GLI3: variants seen among roughly 807,000 people sequenced by gnomAD.
The protein encoded by GLI3 is transcription activator GLI3.
In GLI3, 20 loss-of-function variants were observed where a neutral mutation model predicts 100.8. The ratio of observed to expected loss-of-function variants is 0.20; its 90% CI spans 0.14 to 0.29. The LOEUF (loss-of-function observed/expected upper bound fraction) is 0.29. Ranked by LOEUF, GLI3 falls within the 10% of genes least tolerant of loss-of-function variation. The pLI is 1.00. For synonymous variants in GLI3, 938 were observed against 860.5 expected (o/e 1.09, Z -1.58); for missense variants, 2,040 against 2,128.5 (o/e 0.96, Z 0.82).
At chr7:42,076,206 T>C (rs925053904) in intron 4 of GLI3, among the ~76,000 whole-genome samples, 3 of 152,228 alleles carry the variant, frequency 2.0e-5, no homozygotes, top group Non-Finnish European at 4.4e-5. Flanking sequence ...TTCTAATGTA[T>C]GTTATCACTA....
At chr7:42,039,977 G>C in intron 7 of GLI3, 61 bp downstream of exon 7, 1 of 1,249,380 alleles carries the variant, frequency 8.0e-7, no homozygotes, top group Non-Finnish European at 1.2e-6. Context: ...ATCACTACAG[G>C]TGCAAACAAG....
chr7:42,124,222 A>G lies in GLI3; in HGVS notation c.367+24004T>C, dbSNP rs372219411. ...TTGCAGAAGTTTAGAAGCCAAACACATGCTTATCTGTAGAATGTCAGGTGG... is the reference window on the plus strand; with the variant it reads ...TTGCAGAAGTTTAGAAGCCAAACACGTGCTTATCTGTAGAATGTCAGGTGG... On this transcript the variant is annotated intron_variant, in intron 3 of 14. Transcript: ENST00000395925. Among the ~76,000 whole-genome samples the G allele has an allele frequency of 3.9e-5, 6 of 152,322 alleles. No individual in the cohort carries two copies. The South Asian group carries it at 1.0e-3, about 26-fold the overall frequency.
intron 4 of GLI3, among the ~76,000 whole-genome samples, chr7:42,055,124 T>C (rs1272870342): frequency 3.3e-5 from 5 of 149,910 alleles, no homozygotes; most frequent in African/African-American, 9.9e-5. Flanking sequence ...CACATATATA[T>C]ACACATATAT....
chr7:42,148,450 T>C lies in GLI3; in HGVS notation c.143A>G (p.Gln48Arg). ...GTTTCTTCTCTCTCTGTGATAAGTC[T>C]GTCCAGGACTTTCATCCTCTAAAGA... Reference protein sequence around the residue: ...TTSNEDESPGQTYHRERRNAI... With the variant: ...TTSNEDESPGRTYHRERRNAI... The change falls in exon 3 of 15, where the codon CAG becomes CGG. Residue 48 changes from glutamine to arginine, a missense_variant. Gln to Arg is a conservative substitution (Grantham distance 43). This residue lies in a region of GLI3 where 603 missense variants were observed against 690.9 expected (regional missense o/e 0.87). Coordinates refer to ENST00000395925, the MANE Select transcript of GLI3 (RefSeq NM_000168.6). 1 of 1,613,696 alleles carries C rather than the reference T, an allele frequency of 6.2e-7. No individual in the cohort carries two copies. Among genetic ancestry groups the C allele is most frequent in the Non-Finnish European group, 8.5e-7 (1 of 1,179,574 alleles).
Position 42,173,639 on chromosome 7 carries a change from C to T in GLI3, c.125-25171G>A, listed in dbSNP as rs546271992. Among the ~76,000 whole-genome samples the T allele has an allele frequency of 1.7e-4, 26 of 152,204 alleles. No homozygotes were observed. In the South Asian group the frequency reaches 3.5e-3, roughly 21 times the overall value. ...AGCCTTCTAAACCAGGCTCCTTTCA[C>T]GAGCACAAAAGACTTTCAGAACCTC... On this transcript the variant is annotated intron_variant, in intron 2 of 14. Coordinates refer to ENST00000395925, the MANE Select transcript of GLI3 (RefSeq NM_000168.6).
intron 2 of GLI3, among the ~76,000 whole-genome samples, chr7:42,176,623 GC>G (rs1787485871): frequency 6.6e-6 from 1 of 152,224 alleles, no homozygotes; most frequent in Admixed American, 6.5e-5. Context: ...AAGACAATCT[GC>G]TTCTTTAGCC....
At chr7:42,182,669 TATATATATATATAC>T (rs60071247) in intron 2 of GLI3, among the ~76,000 whole-genome samples, 6,878 of 95,132 alleles carry the variant, frequency 0.072, 521 homozygotes, top group South Asian at 0.089. Flanking sequence ...TATATATATA[TATATATATATATAC>T]ACATGTGTGT....
At chr7:42,142,003 G>GT (rs1396618131) in intron 3 of GLI3, among the ~76,000 whole-genome samples, 2 of 152,166 alleles carry the variant, frequency 1.3e-5, no homozygotes, top group African/African-American at 4.8e-5. Flanking sequence ...CCCACAGAAA[G>GT]TAAGTACTGC....
intron 3 of GLI3, among the ~76,000 whole-genome samples, chr7:42,110,100 G>GA (rs953077495): frequency 5.9e-5 from 9 of 152,024 alleles, no homozygotes; most frequent in African/African-American, 1.9e-4. Flanking sequence ...ATAATGCCAA[G>GA]AAAAAATGGG....
rs181605419 is a variant in GLI3, at chr7:42,209,958, G to A, written c.124+13172C>T. ...CTGTAAAGGAGAGCCTCTGGCAAAT[G>A]CTGGGTCATACATCTCTTTAAGAAT... On this transcript the variant is annotated intron_variant, in intron 2 of 14. Coordinates refer to ENST00000395925, the MANE Select transcript of GLI3 (RefSeq NM_000168.6). Among the ~76,000 whole-genome samples, 74 of 117,836 alleles carry A rather than the reference G, an allele frequency of 6.3e-4. 1 individual carries two copies. The East Asian group carries it at 0.019, about 30-fold the overall frequency. 77.3% of individuals were successfully genotyped at this position (117,836 alleles called of 152,430 possible). A position where few individuals can be genotyped will look rare whatever the true frequency, so the allele number is the denominator to read the frequency against.
At chr7:42,046,397 T>C (rs571137792) in intron 5 of GLI3, among the ~76,000 whole-genome samples, 115 of 152,352 alleles carry the variant, frequency 7.5e-4, no homozygotes, top group African/African-American at 2.6e-3. Flanking sequence ...TAGTGATAGG[T>C]TTGTGGGTAT....
chr7:42,055,345 C>T (rs544406976), intron 4 of GLI3, among the ~76,000 whole-genome samples: 71 of 152,196 alleles, frequency 4.7e-4, no homozygotes, highest in Middle Eastern at 3.4e-3. Context: ...TCTTCCTCCT[C>T]CCCAAGGCCA....
intron 10 of GLI3, among the ~76,000 whole-genome samples, chr7:41,982,644 G>A (rs935348486): frequency 8.0e-5 from 12 of 149,394 alleles, no homozygotes; most frequent in Non-Finnish European, 1.2e-4. Context: ...CAAGGCAGTA[G>A]TGAGCCAGGT....
At chr7:42,108,700 A>G (rs1163602985) in intron 3 of GLI3, among the ~76,000 whole-genome samples, 1 of 152,148 alleles carries the variant, frequency 6.6e-6, no homozygotes, top group Non-Finnish European at 1.5e-5. Flanking sequence ...AGCCACACAC[A>G]CAAATAGATT....
intron 3 of GLI3, among the ~76,000 whole-genome samples, chr7:42,112,921 C>T (rs1785749878): frequency 9.2e-5 from 14 of 152,094 alleles, no homozygotes; most frequent in Admixed American, 9.2e-4. Context: ...ATCTGTAATC[C>T]CATCACTTTG....
rs780005444 is a variant in GLI3, at chr7:42,002,848, T to C, written c.1497+20620A>G. Among the ~76,000 whole-genome samples the C allele has an allele frequency of 8.5e-5, 13 of 152,216 alleles. 1 individual carries two copies. The highest frequency in any genetic ancestry group is 1.8e-4 in the Non-Finnish European group (12 of 68,044). On this transcript the variant is annotated intron_variant, in intron 10 of 14. Transcript: ENST00000395925. ...CAAGCTGCTCAGACTCACAGTGACTTGTTTCCATCATCTGGAAAATGAGGC... is the reference window on the plus strand; with the variant it reads ...CAAGCTGCTCAGACTCACAGTGACTCGTTTCCATCATCTGGAAAATGAGGC...
At chr7:42,045,642 G>T in intron 5 of GLI3, 112 bp from the exon 6 acceptor site, 1 of 885,790 alleles carries the variant, frequency 1.1e-6, no homozygotes, top group Non-Finnish European at 1.8e-6. Flanking sequence ...TCCTTTTATG[G>T]CTTATTAGAG....
intron 2 of GLI3, among the ~76,000 whole-genome samples, chr7:42,166,873 TG>T (rs1172611055): frequency 1.3e-5 from 2 of 151,312 alleles, no homozygotes; most frequent in Non-Finnish European, 2.9e-5. Flanking sequence ...TCACCCAGGC[TG>T]GAGTGCAATG....
At chr7:42,075,798 T>A (rs952358413) in intron 4 of GLI3, among the ~76,000 whole-genome samples, 13 of 152,362 alleles carry the variant, frequency 8.5e-5, no homozygotes, top group Middle Eastern at 6.8e-3. Context: ...TAGTTAGGAT[T>A]GTTAATATCA....
Sources: allele counts gnomAD v4.1 joint callset (sites outside exome capture counted in the v4.1 genomes callset), GRCh38; gene constraint gnomAD v4.1.1; regional missense constraint gnomAD v4.1.1; transcripts MANE v1.5; gene names NCBI Gene and HGNC (gene_info 2026-07-23, HGNC 2026-07-21).